Variants in SMYD3 observed in about 807,000 individuals in gnomAD.
SMYD3 encodes the protein SET and MYND domain containing 3, also known as histone-lysine N-methyltransferase SMYD3.
A neutral mutation model predicts 57.7 loss-of-function variants in SMYD3; 36 were observed. The ratio of observed to expected loss-of-function variants is 0.62; its 90% confidence interval spans 0.48 to 0.82. The LOEUF (loss-of-function observed/expected upper bound fraction) is 0.82, where lower values mean the gene tolerates loss of function less well. Ranked by LOEUF, SMYD3 falls within the 40% of genes least tolerant of loss-of-function variation. SMYD3 has a pLI of 0.00. For synonymous variants in SMYD3, 211 were observed against 195.0 expected, an observed-to-expected ratio of 1.08 and a Z score of -0.68; for missense variants, 515 against 538.8, an observed-to-expected ratio of 0.96 and a Z score of 0.44.
intron 10 of SMYD3, among the ~76,000 whole-genome samples, chr1:245,823,933 T>C (rs1328183764): frequency 1.3e-5 from 2 of 152,150 alleles, no homozygotes; most frequent in Non-Finnish European, 2.9e-5. Flanking sequence ...ACCCACGTGC[T>C]CCCGAAGGCA....
chr1:246,276,340 T>C (rs375610813), intron 5 of SMYD3, among the ~76,000 whole-genome samples: 7 of 120,578 alleles, frequency 5.8e-5, no homozygotes, highest in South Asian at 3.8e-4. Flanking sequence ...CATGTTTGAA[T>C]ACTAACTCCA....
At chr1:246,163,616 A>C (rs2062157423) in intron 5 of SMYD3, among the ~76,000 whole-genome samples, 1 of 152,240 alleles carries the variant, frequency 6.6e-6, no homozygotes, top group South Asian at 2.1e-4. Flanking sequence ...TAAAAACACA[A>C]ATTCAGATTA....
chr1:246,425,521 G>A (rs959684342), intron 1 of SMYD3, among the ~76,000 whole-genome samples: 11 of 152,164 alleles, frequency 7.2e-5, no homozygotes, highest in Admixed American at 2.0e-4. Context: ...TTCACTGGCT[G>A]GGAGCTTGCT....
At chr1:245,813,860 CTA>C (rs6143718) in intron 10 of SMYD3, among the ~76,000 whole-genome samples, 86 of 146,980 alleles carry the variant, frequency 5.9e-4, no homozygotes, top group African/African-American at 2.2e-3. Flanking sequence ...TCATGGAGCC[CTA>C]TATATATATA....
intron 5 of SMYD3, among the ~76,000 whole-genome samples, chr1:246,253,066 A>G (rs2063821527): frequency 6.6e-6 from 1 of 152,238 alleles, no homozygotes; most frequent in Non-Finnish European, 1.5e-5. Context: ...AAGGATGAAA[A>G]TATGTGCCTG....
At chr1:246,227,690 G>A (rs2878080) in intron 5 of SMYD3, among the ~76,000 whole-genome samples, 31,571 of 151,986 alleles carry the variant, frequency 0.21, 3,999 homozygotes, top group East Asian at 0.58. Flanking sequence ...ATGAAACTCC[G>A]TCCTAAAGAT....
At chr1:246,402,408 G>A (rs887572390) in intron 1 of SMYD3, among the ~76,000 whole-genome samples, 5 of 93,814 alleles carry the variant, frequency 5.3e-5, no homozygotes, top group Non-Finnish European at 1.1e-4. Flanking sequence ...CTGAGCACGT[G>A]ATACCTCTGT....
At chr1:245,940,191 T>C (rs2057171151) in intron 5 of SMYD3, among the ~76,000 whole-genome samples, 1 of 152,166 alleles carries the variant, frequency 6.6e-6, no homozygotes, top group Admixed American at 6.5e-5. Context: ...TCAGCAGACT[T>C]AGTCTTTCCT....
intron 8 of SMYD3, among the ~76,000 whole-genome samples, chr1:245,880,720 GCT>G (rs1165399213): frequency 1.3e-5 from 2 of 152,206 alleles, no homozygotes; most frequent in African/African-American, 4.8e-5. Flanking sequence ...AAACCTGAGT[GCT>G]CTCTGCTACA....
intron 5 of SMYD3, among the ~76,000 whole-genome samples, chr1:246,055,567 G>A (rs2060138075): frequency 6.6e-6 from 1 of 152,228 alleles, no homozygotes; most frequent in Non-Finnish European, 1.5e-5. Flanking sequence ...GCTCGCTGCA[G>A]TACTATTCAC....
At chr1:245,902,828 C>G (rs529645054) in intron 8 of SMYD3, among the ~76,000 whole-genome samples, 1 of 152,202 alleles carries the variant, frequency 6.6e-6, no homozygotes, top group Non-Finnish European at 1.5e-5. Context: ...CCAACAAATA[C>G]TGTAAATATA....
chr1:246,141,695 AT>A (rs2061759116), intron 5 of SMYD3, among the ~76,000 whole-genome samples: 2 of 152,226 alleles, frequency 1.3e-5, no homozygotes. Flanking sequence ...TTTAAAAAAA[AT>A]CTTCATTTAA....
chr1:245,914,949 G>A (rs1261091898), intron 8 of SMYD3, among the ~76,000 whole-genome samples: 1 of 152,070 alleles, frequency 6.6e-6, no homozygotes, highest in Admixed American at 6.5e-5. Flanking sequence ...GTTGGGGTAG[G>A]GGTGGTAGGG....
chr1:246,350,665 T>TAC (rs201518107), intron 2 of SMYD3, among the ~76,000 whole-genome samples: 1 of 590 alleles, frequency 1.7e-3, no homozygotes, highest in African/African-American at 2.8e-3. Context: ...TACTCAGATT[T>TAC]ACACGTTACA....
At chr1:246,380,660 T>G (rs1220864055) in intron 1 of SMYD3, among the ~76,000 whole-genome samples, 1 of 152,256 alleles carries the variant, frequency 6.6e-6, no homozygotes, top group African/African-American at 2.4e-5. Flanking sequence ...CAGTTCCTAT[T>G]TTCAAGGACT....
intron 8 of SMYD3, among the ~76,000 whole-genome samples, chr1:245,893,629 G>A (rs1227309356): frequency 3.3e-5 from 5 of 152,164 alleles, no homozygotes; most frequent in Non-Finnish European, 5.9e-5. Flanking sequence ...ATGATATTGT[G>A]GAAAAGGTAA....
rs181346671 is a variant in SMYD3 at position 245,922,262 on chromosome 1, G to A, written c.702+5669C>T. Among the ~76,000 whole-genome samples the A allele has an allele frequency of 3.3e-3, 504 of 152,170 alleles. 4 individuals are homozygous for A. Among genetic ancestry groups the A allele is most frequent in the Non-Finnish European group, 5.1e-3 (348 of 67,998 alleles). ...TCAACAGCCTAAACCTGAAAGCACC[G>A]GCTCATTTCAGACTTAAAGGTACCT... is the stretch of plus-strand genomic sequence containing the variant. On this transcript the variant is annotated intron_variant, in intron 7 of 11. Transcript: ENST00000490107.
chr1:246,225,036 C>A (rs1315509999), intron 5 of SMYD3, among the ~76,000 whole-genome samples: 1 of 143,590 alleles, frequency 7.0e-6, no homozygotes, highest in Non-Finnish European at 1.5e-5. Context: ...GCAATCAAGG[C>A]TGGAGATACA....
chr1:246,489,337 GC>G (rs1347806370), intron 1 of SMYD3, among the ~76,000 whole-genome samples: 10 of 152,104 alleles, frequency 6.6e-5, no homozygotes, highest in Non-Finnish European at 7.4e-5. Context: ...GGGCGACAGA[GC>G]GAGACTCCAT....
Sources: allele counts gnomAD v4.1 joint callset (sites outside exome capture counted in the v4.1 genomes callset), GRCh38; gene constraint gnomAD v4.1.1; transcripts MANE v1.5; gene names NCBI Gene and HGNC (gene_info 2026-07-23, HGNC 2026-07-21).